AUTS2: variants seen among roughly 807,000 people sequenced by gnomAD.
The protein encoded by AUTS2 is activator of transcription and developmental regulator AUTS2.
AUTS2 carries 17 observed loss-of-function variants against 112.4 expected under a neutral mutation model. The ratio of observed to expected loss-of-function variants is 0.15; its 90% confidence interval spans 0.10 to 0.23. AUTS2 has a LOEUF of 0.23. Ranked by LOEUF, AUTS2 falls within the 10% of genes least tolerant of loss-of-function variation. AUTS2 has a pLI of 1.00. For missense variants in AUTS2, 1,510 were observed against 1,701.6 expected, an observed-to-expected ratio of 0.89 and a Z score of 1.98; for synonymous variants, 751 against 702.7, an observed-to-expected ratio of 1.07 and a Z score of -1.09.
At chr7:70,728,873 C>T (rs1435227976) in intron 6 of AUTS2, among the ~76,000 whole-genome samples, 2 of 152,156 alleles carry the variant, frequency 1.3e-5, no homozygotes, top group African/African-American at 4.8e-5. Context: ...GCATTCTTAA[C>T]TGATCCATTA....
rs1335787356 is a variant in AUTS2, at chr7:69,812,383, A to G, written c.310-86903A>G. Among the ~76,000 whole-genome samples, 3 of 152,172 alleles carry G rather than the reference A, an allele frequency of 2.0e-5. No individual in the cohort carries two copies. In the East Asian group the frequency reaches 5.8e-4, roughly 29 times the overall value. ...TAGATTTTCCATACAGCACAAATAC[A>G]AGGGTTCTTCCCAGCTCCTACCAGG... On this transcript the variant is annotated intron_variant, in intron 1 of 18. Coordinates refer to ENST00000342771, the MANE Select transcript of AUTS2 (RefSeq NM_015570.4).
At chr7:70,491,592 T>TGTGC (rs1798246610) in intron 5 of AUTS2, among the ~76,000 whole-genome samples, 1 of 65,730 alleles carries the variant, frequency 1.5e-5, no homozygotes, top group African/African-American at 6.5e-5. Flanking sequence ...ATATATATTG[T>TGTGC]GTGTGTGTGT....
intron 5 of AUTS2, among the ~76,000 whole-genome samples, chr7:70,627,772 C>T (rs1303276446): frequency 2.6e-5 from 4 of 152,224 alleles, no homozygotes; most frequent in Non-Finnish European, 5.9e-5. Flanking sequence ...TATTCATTTA[C>T]TAGATGTGCA....
At chr7:69,772,257 G>A (rs1021659642) in intron 1 of AUTS2, among the ~76,000 whole-genome samples, 4 of 152,160 alleles carry the variant, frequency 2.6e-5, no homozygotes, top group African/African-American at 9.7e-5. Context: ...TGACAGATCC[G>A]GTTCAACTCA....
intron 5 of AUTS2, among the ~76,000 whole-genome samples, chr7:70,465,128 C>T (rs967212018): frequency 2.6e-5 from 4 of 152,250 alleles, no homozygotes; most frequent in Non-Finnish European, 4.4e-5. Context: ...GCCCTCACCT[C>T]AGTTTGGTCC....
At chr7:69,908,878 C>G (rs1010199899) in intron 2 of AUTS2, among the ~76,000 whole-genome samples, 15 of 152,084 alleles carry the variant, frequency 9.9e-5, no homozygotes, top group Non-Finnish European at 2.1e-4. Flanking sequence ...AAAGGGTGGT[C>G]TTTGAACCCC....
intron 4 of AUTS2, among the ~76,000 whole-genome samples, chr7:70,185,109 A>T (rs1469775973): frequency 1.3e-5 from 2 of 152,166 alleles, no homozygotes; most frequent in African/African-American, 4.8e-5. Context: ...AGGGTGGCAC[A>T]TAGTAGGTCC....
intron 1 of AUTS2, among the ~76,000 whole-genome samples, chr7:69,658,678 G>A (rs915938879): frequency 6.6e-6 from 1 of 152,292 alleles, no homozygotes; most frequent in East Asian, 1.9e-4. Flanking sequence ...TCTTTGTGAT[G>A]AAAGAGAAGT....
At position 70,781,774 on chromosome 7, in the gene AUTS2, T is replaced by G. The variant is rs1791101361; in HGVS notation, c.2146+18T>G. ...TGCCGCTGGTGAGTGTGGGTTTGGG[T>G]GGGGGGACAGAGCTGAGAAATGTAG... On this transcript the variant is annotated intron_variant, in intron 15 of 18. Coordinates refer to ENST00000342771, the MANE Select transcript of AUTS2 (RefSeq NM_015570.4). 9 of 1,612,622 alleles carry G rather than the reference T, an allele frequency of 5.6e-6. No individual in the cohort carries two copies. The highest frequency in any genetic ancestry group is 7.6e-6 in the Non-Finnish European group (9 of 1,179,436).
chr7:70,213,538 C>CCA (rs774326856), intron 4 of AUTS2, among the ~76,000 whole-genome samples: 3 of 124,696 alleles, frequency 2.4e-5, no homozygotes, highest in African/African-American at 8.8e-5. Flanking sequence ...GACCCTGTCT[C>CCA]AAAAAAAAAA....
intron 4 of AUTS2, among the ~76,000 whole-genome samples, chr7:70,302,672 G>A (rs1173884664): frequency 6.6e-6 from 1 of 151,814 alleles, no homozygotes; most frequent in African/African-American, 2.4e-5. Context: ...TTGCATTAGT[G>A]TGTTGGTTAC....
chr7:69,614,361 TTTCTTTTTTTAAGAG>T, intron 1 of AUTS2, among the ~76,000 whole-genome samples: 1 of 84,252 alleles, frequency 1.2e-5, no homozygotes, highest in Non-Finnish European at 2.7e-5. Context: ...TCTTTCTTTC[TTTCTTTTTTTAAGAG>T]ATGGGATCTC....
At position 70,764,994 on chromosome 7, in the gene AUTS2, G is replaced by A; in HGVS notation, c.1457G>A (p.Ser486Asn). The A allele has an allele frequency of 6.2e-7, 1 of 1,613,908 alleles. No homozygotes were observed. Among genetic ancestry groups the A allele is most frequent in the South Asian group, 1.1e-5 (1 of 91,066 alleles). The change falls in exon 8 of 19, where the codon AGC becomes AAC. Residue 486 changes from serine to asparagine, a missense_variant. By Grantham distance (46) the Ser-to-Asn change is conservative. Around this residue, in one of 3 missense-constraint regions of AUTS2, gnomAD observed 187 missense variants for 309.7 expected, o/e 0.60. Coordinates refer to ENST00000342771, the MANE Select transcript of AUTS2 (RefSeq NM_015570.4). ...SLQVAGHPAG[S>N]TYSEQDILRQ... is the part of the protein sequence containing the mutation. ...CAGGTGGCCGGACACCCGGCCGGGAGCACTTACTCAGGTAGGACGGAGGGG... is the reference window on the plus strand; with the variant it reads ...CAGGTGGCCGGACACCCGGCCGGGAACACTTACTCAGGTAGGACGGAGGGG...
chr7:70,790,207 G>A lies in AUTS2; in HGVS notation c.2991G>A (p.Pro997=), dbSNP rs994618924. 17 of 1,612,484 alleles carry A rather than the reference G, an allele frequency of 1.1e-5. No homozygotes were observed. The highest frequency in any genetic ancestry group is 8.3e-5 in the Admixed American group (5 of 59,988). The stretch of plus-strand genomic sequence containing the variant: ...ACCATGACCTGCCTCCAGAGGCCCC[G>A]CAGACCCACCGGGCCTCGGAGCCGC... ...KEDHDLPPEA[P]QTHRASEPPP... The change falls in exon 19 of 19, where the codon CCG becomes CCA. Residue 997 remains proline, a synonymous_variant. Coordinates refer to ENST00000342771, the MANE Select transcript of AUTS2 (RefSeq NM_015570.4). The surrounding 1 kb of genome is among the most constrained non-coding windows in gnomAD (Gnocchi z 7.6).
At chr7:70,034,523 C>T (rs1295823356) in intron 2 of AUTS2, among the ~76,000 whole-genome samples, 1 of 152,162 alleles carries the variant, frequency 6.6e-6, no homozygotes, top group Non-Finnish European at 1.5e-5. Flanking sequence ...CCAAGTGTGT[C>T]AACATTATGA....
At chr7:69,879,999 A>T (rs1048805065) in intron 1 of AUTS2, among the ~76,000 whole-genome samples, 1 of 152,180 alleles carries the variant, frequency 6.6e-6, no homozygotes. Flanking sequence ...TTGCACTGCT[A>T]CAAAGAACTA....
intron 4 of AUTS2, among the ~76,000 whole-genome samples, chr7:70,297,578 T>A (rs993956942): frequency 6.6e-6 from 1 of 151,586 alleles, no homozygotes; most frequent in Non-Finnish European, 1.5e-5. Flanking sequence ...TACAGGCGCC[T>A]GCCACCACAC....
chr7:70,211,606 G>A (rs1308673334), intron 4 of AUTS2, among the ~76,000 whole-genome samples: 5 of 144,524 alleles, frequency 3.5e-5, no homozygotes, highest in East Asian at 2.1e-4. Context: ...CCGAGATCGC[G>A]CCACTGCACT....
intron 2 of AUTS2, among the ~76,000 whole-genome samples, chr7:69,967,702 T>G (rs1281629108): frequency 6.6e-6 from 1 of 152,146 alleles, no homozygotes; most frequent in Non-Finnish European, 1.5e-5. Flanking sequence ...TATTGTGGGT[T>G]TTTTGTTTTT....
Sources: gnomAD v4.1 joint callset for allele counts (sites outside exome capture counted in the v4.1 genomes callset) on GRCh38, gnomAD v4.1.1 for gene constraint, gnomAD v4.1.1 regional missense constraint, Gnocchi (gnomAD v3.1) non-coding constraint, MANE v1.5 for transcripts, NCBI Gene and HGNC (gene_info 2026-07-23, HGNC 2026-07-21) for gene names.